Variants in LIPE observed in about 807,000 individuals in gnomAD.
The protein encoded by LIPE is lipase E, hormone sensitive type.
Under a neutral mutation model 88.5 loss-of-function variants are expected in LIPE, and 66 were observed. The ratio of observed to expected loss-of-function variants is 0.75; its 90% CI spans 0.61 to 0.91. The LOEUF (loss-of-function observed/expected upper bound fraction) is 0.91, where lower values mean the gene tolerates loss of function less well. Among genes scored for constraint, LIPE ranks in the 40% least tolerant of loss-of-function variants. The probability of loss-of-function intolerance (pLI) is 0.00; values close to 1 mark genes in which losing one functional copy is unlikely to be tolerated. For synonymous variants in LIPE, 570 were observed against 617.5 expected (o/e 0.92, Z 1.14); for missense variants, 1,346 against 1,434.7 (o/e 0.94, Z 1.00).
At chr19:42,403,241 A>ATG (rs56983822) in intron 8 of LIPE, among the ~76,000 whole-genome samples, 1,797 of 91,942 alleles carry the variant, frequency 0.02, 27 homozygotes, top group Middle Eastern at 0.03. Context: ...CTAGTGAAGG[A>ATG]TGTGTGTGTG....
At chr19:42,424,479 G>A (rs1184841411) in intron 1 of LIPE, 1 of 456,346 alleles carries the variant, frequency 2.2e-6, no homozygotes, top group East Asian at 6.9e-5. Context: ...TGGAGGCCTG[G>A]AGAAACAGCT....
At position 42,427,278 on chromosome 19, in the gene LIPE, C is replaced by T. The variant is rs1308642898; in HGVS notation, c.-129G>A. The T allele has an allele frequency of 7.0e-7, 1 of 1,424,506 alleles. No homozygotes were observed. Among genetic ancestry groups the T allele is most frequent in the Admixed American group, 3.0e-5 (1 of 33,816 alleles). 88.2% of individuals were successfully genotyped at this position (1,424,506 alleles called of 1,614,324 possible). A position where few individuals can be genotyped will look rare whatever the true frequency, so the allele number is the denominator to read the frequency against. On this transcript the variant is annotated 5_prime_UTR_variant, in exon 1 of 10. Coordinates refer to ENST00000244289, the MANE Select transcript of LIPE (RefSeq NM_005357.4). The stretch of plus-strand genomic sequence containing the variant: ...CACTTCCTCTTGGGTTTCACTCCAT[C>T]CTAGCATCACTGGTCTTCCTTTTTA...
chr19:42,408,259 G>C lies in LIPE; in HGVS notation c.1483C>G (p.His495Asp). 6.2e-7 allele frequency: 1 copy of C among 1,614,126 alleles called. No homozygotes were observed. The highest frequency in any genetic ancestry group is 8.5e-7 in the Non-Finnish European group (1 of 1,179,994). Residue 495 changes from histidine (H) to aspartate (D), a missense_variant, in exon 3 of 10, where the codon CAC becomes GAC. His to Asp is a moderately conservative substitution (Grantham distance 81, BLOSUM62 -1). Coordinates refer to ENST00000244289, the MANE Select transcript of LIPE (RefSeq NM_005357.4). The surrounding 1 kb of genome is among the most constrained non-coding windows in gnomAD (Gnocchi z 4.3). The stretch of plus-strand genomic sequence containing the variant: ...AGGCCTGTCTCGTTGCGTTTGTAGT[G>C]CTCCCCGAAGGACACCAGCCCAATG... ...ISIGLVSFGEHYKRNETGLSV... is the reference protein window; with the variant it reads ...ISIGLVSFGEDYKRNETGLSV...
chr19:42,403,115 C>A, intron 8 of LIPE, 84 bp from the exon 9 acceptor site: 1 of 1,359,352 alleles, frequency 7.4e-7, no homozygotes, highest in Non-Finnish European at 9.9e-7. Flanking sequence ...GAAGGGCAGT[C>A]GCCTGTGGAG....
In LIPE at chr19:42,426,761, G is replaced by A. The variant is rs1372189711; in HGVS notation, c.389C>T (p.Ala130Val). 1.9e-6 allele frequency: 3 copies of A among 1,613,904 alleles called. No individual in the cohort carries two copies. The highest frequency in any genetic ancestry group is 2.5e-6 in the Non-Finnish European group (3 of 1,179,984). The change falls in exon 1 of 10, where the codon GCA (alanine) becomes GTA (valine). Residue 130 changes from alanine (A) to valine (V), a missense_variant. Coordinates refer to ENST00000244289, the MANE Select transcript of LIPE (RefSeq NM_005357.4). Reference protein sequence around the residue: ...GKESITQQEPALRQRHVAQPG... With the variant: ...GKESITQQEPVLRQRHVAQPG... ...CTGGGCTACATGTCTTTGTCTCAAT[G>A]CTGGCTCCTGTTGAGTTATAGATTC...
Position 42,423,517 on chromosome 19 carries a change from G to C in LIPE, c.883+2750C>G. On this transcript the variant is annotated intron_variant, in intron 1 of 9. Transcript: ENST00000244289. ...GGCCATAGCGGCCTCGGCGGGCTCC[G>C]TTCCCCCGGCCAACTCCATCAATTC... The C allele has an allele frequency of 6.3e-6, 8 of 1,270,774 alleles. No individual in the cohort carries two copies. The South Asian group carries it at 1.0e-4, about 16-fold the overall frequency. 78.7% of individuals were successfully genotyped at this position (1,270,774 alleles called of 1,614,324 possible).
chr19:42,408,761 T>C lies in LIPE; in HGVS notation c.1420-439A>G, dbSNP rs2040276012. ...ATCGCTTGAACCCAGGAGGCAGAGG[T>C]TGCAGTGAGTGGAGATCACACCACT... On this transcript the variant is annotated intron_variant, in intron 2 of 9. Coordinates refer to ENST00000244289, the MANE Select transcript of LIPE (RefSeq NM_005357.4). The surrounding 1 kb of genome is among the most constrained non-coding windows in gnomAD (Gnocchi z 4.3). 6.7e-6 allele frequency among the ~76,000 whole-genome samples: 1 copy of C among 149,362 alleles called. No individual in the cohort carries two copies. Among genetic ancestry groups the C allele is most frequent in the South Asian group, 2.1e-4 (1 of 4,696 alleles).
intron 2 of LIPE, among the ~76,000 whole-genome samples, chr19:42,409,648 G>A (rs750967317): frequency 5.6e-4 from 85 of 152,358 alleles, no homozygotes; most frequent in African/African-American, 1.9e-3. Context: ...CTGGCTGTGC[G>A]CCCAGTAGGC....
chr19:42,424,251 C>A (rs1024038817), intron 1 of LIPE: 124 of 587,866 alleles, frequency 2.1e-4, no homozygotes, highest in Non-Finnish European at 3.4e-4. Flanking sequence ...GCACTAGCTT[C>A]AGGCCGCGGG....
Position 42,410,865 on chromosome 19 carries a change from G to A in LIPE, c.884-23C>T. On this transcript the variant is annotated intron_variant, in intron 1 of 9. Transcript: ENST00000244289. This position sits in a 1 kb window ranked among gnomAD's most constrained non-coding sequence, Gnocchi z 6.1. ...AGGCTGTGGGCAGGTGGGGAGGCCT[G>A]TTAGGTGGGGCTGGATCAAGCCTTG... The A allele has an allele frequency of 6.5e-7, 1 of 1,527,926 alleles. No homozygotes were observed. Among genetic ancestry groups the A allele is most frequent in the South Asian group, 1.3e-5 (1 of 79,040 alleles). 94.6% of individuals were successfully genotyped at this position (1,527,926 alleles called of 1,614,324 possible).
In LIPE at chr19:42,408,204, C is replaced by T; in HGVS notation, c.1510+28G>A. Reference sequence around the variant, plus strand: ...TGGGGAGGAGGGCCAAGAGAGTAGGCTGCGAGTAGAACCTGGCTGGGACTC... The same window carrying T: ...TGGGGAGGAGGGCCAAGAGAGTAGGTTGCGAGTAGAACCTGGCTGGGACTC... On this transcript the variant is annotated intron_variant, in intron 3 of 9. Transcript: ENST00000244289. The surrounding 1 kb of genome is among the most constrained non-coding windows in gnomAD (Gnocchi z 4.3). 1 of 1,613,828 alleles carries T rather than the reference C, an allele frequency of 6.2e-7. No homozygotes were observed.
At position 42,401,572 on chromosome 19, in the gene LIPE, CG is replaced by C. The variant is rs1219630593; in HGVS notation, c.*239del. 15 of 497,846 alleles carry C rather than the reference CG, an allele frequency of 3.0e-5. No homozygotes were observed. In the East Asian group the frequency reaches 5.3e-4, roughly 17 times the overall value. 30.8% of individuals were successfully genotyped at this position (497,846 alleles called of 1,614,324 possible). A position where few individuals can be genotyped will look rare whatever the true frequency, so the allele number is the denominator to read the frequency against. On this transcript the variant is annotated 3_prime_UTR_variant, in exon 10 of 10. Transcript: ENST00000244289. ...CGACCTGCAAGGGAGGGCCAGTCCCCGTCCCTGCGGCGGTCGCCGCAGCAGC... is the reference window on the plus strand; with the variant it reads ...CGACCTGCAAGGGAGGGCCAGTCCCCTCCCTGCGGCGGTCGCCGCAGCAGC...
rs2040710612 is a variant in LIPE, at chr19:42,426,531, G to A, written c.619C>T (p.Leu207=). 1 of 1,614,046 alleles carries A rather than the reference G, an allele frequency of 6.2e-7. No individual in the cohort carries two copies. The highest frequency in any genetic ancestry group is 1.3e-5 in the African/African-American group (1 of 74,908). Residue 207 remains leucine (L), a synonymous_variant, in exon 1 of 10, where the codon CTA becomes TTA. Transcript: ENST00000244289. ...KQGSLTELGF[L]TKLQELSIQR... is the part of the protein sequence containing the mutation. The stretch of plus-strand genomic sequence containing the variant: ...ATGGATAGTTCCTGAAGTTTTGTTA[G>A]AAATCCCAGCTCTGTCAAAGATCCC...
At chr19:42,411,043 T>G (rs1168188617) in intron 1 of LIPE, among the ~76,000 whole-genome samples, 2 of 152,172 alleles carry the variant, frequency 1.3e-5, no homozygotes, top group African/African-American at 4.8e-5. Context: ...ATCAGAAGTT[T>G]GGGGCCCCAG....
At chr19:42,426,153 A>G (rs948841472) in intron 1 of LIPE, 114 bp downstream of exon 1, 59 of 614,622 alleles carry the variant, frequency 9.6e-5, no homozygotes, top group Non-Finnish European at 1.3e-4. Flanking sequence ...TCTTTATCTC[A>G]GGATTGTTGA....
intron 1 of LIPE, among the ~76,000 whole-genome samples, chr19:42,425,801 C>CT (rs1568615833): frequency 6.6e-6 from 1 of 151,986 alleles, no homozygotes; most frequent in Non-Finnish European, 1.5e-5. Context: ...CAGAGTGAGA[C>CT]TTTGTTTTTT....
intron 1 of LIPE, among the ~76,000 whole-genome samples, chr19:42,417,985 AT>A (rs34206230): frequency 0.039 from 5,527 of 142,512 alleles, 248 homozygotes; most frequent in African/African-American, 0.12. Context: ...ACTGACCCCC[AT>A]TTTTTTTTTT....
chr19:42,426,969 G>T lies in LIPE; in HGVS notation c.181C>A (p.Gln61Lys). Reference protein sequence around the residue: ...PASNQRPLTQQETPAQHDAES... With the variant: ...PASNQRPLTQKETPAQHDAES... ...GCATCATGTTGTGCAGGGGTCTCCT[G>T]CTGGGTGAGGGGTCTTTGGTTTGAA... The change falls in exon 1 of 10, where the codon CAG becomes AAG. Residue 61 changes from glutamine to lysine, a missense_variant. Coordinates refer to ENST00000244289, the MANE Select transcript of LIPE (RefSeq NM_005357.4). The T allele has an allele frequency of 6.2e-7, 1 of 1,614,118 alleles. No individual in the cohort carries two copies. The highest frequency in any genetic ancestry group is 8.5e-7 in the Non-Finnish European group (1 of 1,180,020).
chr19:42,423,682 C>T, intron 1 of LIPE: 3 of 1,147,968 alleles, frequency 2.6e-6, no homozygotes, highest in Non-Finnish European at 3.3e-6. Flanking sequence ...CTAACCAATT[C>T]TGGTCTCCCT....
Sources: gnomAD v4.1 joint callset for allele counts (sites outside exome capture counted in the v4.1 genomes callset) on GRCh38, gnomAD v4.1.1 for gene constraint, Gnocchi (gnomAD v3.1) non-coding constraint, MANE v1.5 for transcripts, NCBI Gene and HGNC (gene_info 2026-07-23, HGNC 2026-07-21) for gene names.